DNER: variants seen among roughly 807,000 people sequenced by gnomAD.
DNER encodes the protein delta and Notch-like epidermal growth factor-related receptor.
A neutral mutation model predicts 78.2 loss-of-function variants in DNER; 33 were observed. The observed-to-expected ratio is 0.42, with a 90% CI of 0.32 to 0.56. DNER has a LOEUF of 0.56. Ranked by LOEUF, DNER falls within the 20% of genes least tolerant of loss-of-function variation. The pLI is 0.11. For missense variants in DNER, 918 were observed against 975.3 expected (o/e 0.94, Z 0.78); for synonymous variants, 417 against 384.8 (o/e 1.08, Z -0.98).
chr2:229,614,051 T>C (rs1287643069), intron 1 of DNER, among the ~76,000 whole-genome samples: 2 of 151,366 alleles, frequency 1.3e-5, no homozygotes, highest in Non-Finnish European at 2.9e-5. Context: ...CGGGGAGGGA[T>C]AGCATTAGGA....
chr2:229,561,385 C>T lies in DNER; in HGVS notation c.848-14293G>A, dbSNP rs114463078. Among the ~76,000 whole-genome samples, 119 of 152,270 alleles carry T rather than the reference C, an allele frequency of 7.8e-4. 1 individual carries two copies. Among genetic ancestry groups the T allele is most frequent in the African/African-American group, 2.3e-3 (97 of 41,566 alleles). ...AAACATACAATCAACTTGCTATCAC[C>T]TGAAGATAGATTGGCTTATTCTCAA... On this transcript the variant is annotated intron_variant, in intron 4 of 12. Transcript: ENST00000341772.
At chr2:229,594,912 A>T (rs1412548549) in intron 1 of DNER, among the ~76,000 whole-genome samples, 7 of 147,586 alleles carry the variant, frequency 4.7e-5, no homozygotes, top group Non-Finnish European at 7.5e-5. Context: ...AGGACTTACT[A>T]TGACAAGAAC....
chr2:229,618,797 C>T (rs72991624), intron 1 of DNER, among the ~76,000 whole-genome samples: 3,346 of 151,974 alleles, frequency 0.022, 50 homozygotes, highest in Middle Eastern at 0.034. Context: ...TTTAAATTTC[C>T]TCGCTTTTAT....
chr2:229,516,785 T>TAAAAAAAAAAAAAAAAAAAAAA (rs796603043), intron 5 of DNER, among the ~76,000 whole-genome samples: 1 of 83,890 alleles, frequency 1.2e-5, no homozygotes, highest in Non-Finnish European at 2.8e-5. Context: ...ACGCTGTCTC[T>TAAAAAAAAAAAAAAAAAAAAAA]AAAAAAAAAA....
intron 6 of DNER, among the ~76,000 whole-genome samples, chr2:229,501,051 T>G (rs1215016325): frequency 1.9e-4 from 29 of 152,144 alleles, no homozygotes. Flanking sequence ...GGAGAAATGC[T>G]GTGTGATACC....
At chr2:229,527,331 C>A (rs367697129) in intron 5 of DNER, among the ~76,000 whole-genome samples, 2 of 152,164 alleles carry the variant, frequency 1.3e-5, no homozygotes, top group East Asian at 3.9e-4. Flanking sequence ...AAACCCAGAT[C>A]CCTGTTCTCA....
At chr2:229,475,431 G>T (rs1367561299) in intron 7 of DNER, among the ~76,000 whole-genome samples, 2 of 150,950 alleles carry the variant, frequency 1.3e-5, no homozygotes, top group South Asian at 2.1e-4. Flanking sequence ...CTCTCCTAGG[G>T]TCTTTGTACA....
chr2:229,623,283 G>A (rs72991694), intron 1 of DNER, among the ~76,000 whole-genome samples: 3,239 of 152,166 alleles, frequency 0.021, 44 homozygotes, highest in Middle Eastern at 0.034. Context: ...TGGTCCATAA[G>A]TGGTTAAGAA....
chr2:229,457,861 G>C (rs535372815), intron 7 of DNER, among the ~76,000 whole-genome samples: 2 of 151,592 alleles, frequency 1.3e-5, no homozygotes, highest in Non-Finnish European at 2.9e-5. Context: ...AGTAAGGACA[G>C]GTGCGGTGGC....
intron 4 of DNER, among the ~76,000 whole-genome samples, 160 bp from the exon 5 acceptor site, chr2:229,547,252 C>A (rs1696645613): frequency 6.6e-6 from 1 of 152,234 alleles, no homozygotes; most frequent in Admixed American, 6.5e-5. Flanking sequence ...GAATAAAGCA[C>A]ATGGCCACCA....
chr2:229,557,231 C>A (rs912109308), intron 4 of DNER, among the ~76,000 whole-genome samples: 1 of 152,236 alleles, frequency 6.6e-6, no homozygotes, highest in African/African-American at 2.4e-5. Flanking sequence ...TTCTTTGACA[C>A]AGCACTCAAA....
chr2:229,358,712 C>A, intron 12 of DNER, 61 bp from the exon 13 acceptor site: 6 of 1,387,178 alleles, frequency 4.3e-6, no homozygotes, highest in South Asian at 2.5e-5. Context: ...TTAATTAAAG[C>A]AAGTGATGAG....
chr2:229,395,310 G>A (rs1040515264), intron 10 of DNER, among the ~76,000 whole-genome samples: 3 of 152,174 alleles, frequency 2.0e-5, no homozygotes, highest in Admixed American at 2.0e-4. Context: ...ACTGTGGTTT[G>A]GATACCTAAA....
In DNER at chr2:229,393,764, G is replaced by A. The variant is rs112875548; in HGVS notation, c.1724-5368C>T. Reference sequence around the variant, plus strand: ...TAGGAGGCTGAGGCAGGAGAATGGCGTGAACCTGGGAGTTGGAGCTTGCAG... The same window carrying A: ...TAGGAGGCTGAGGCAGGAGAATGGCATGAACCTGGGAGTTGGAGCTTGCAG... On this transcript the variant is annotated intron_variant, in intron 10 of 12. Coordinates refer to ENST00000341772, the MANE Select transcript of DNER (RefSeq NM_139072.4). Among the ~76,000 whole-genome samples the A allele has an allele frequency of 4.8e-3, 726 of 151,980 alleles. 7 individuals are homozygous for A. The highest frequency in any genetic ancestry group is 0.016 in the African/African-American group (670 of 41,472).
chr2:229,470,814 G>T (rs1236416453), intron 7 of DNER, among the ~76,000 whole-genome samples: 3 of 152,114 alleles, frequency 2.0e-5, no homozygotes, highest in African/African-American at 7.2e-5. Flanking sequence ...CGTGCCATTG[G>T]ACTCCAGCCT....
intron 12 of DNER, among the ~76,000 whole-genome samples, chr2:229,366,646 A>G (rs1692353182): frequency 6.6e-6 from 1 of 152,254 alleles, no homozygotes. Flanking sequence ...AGATGAACAA[A>G]TATATTCAAT....
At chr2:229,620,612 G>T (rs1678215650) in intron 1 of DNER, among the ~76,000 whole-genome samples, 1 of 152,224 alleles carries the variant, frequency 6.6e-6, no homozygotes, top group African/African-American at 2.4e-5. Context: ...TTTCCTGATA[G>T]AGTTCCCTGC....
chr2:229,516,324 C>T (rs540834164), intron 5 of DNER, among the ~76,000 whole-genome samples: 12 of 152,220 alleles, frequency 7.9e-5, no homozygotes, highest in African/African-American at 2.4e-4. Context: ...AAACTATGTT[C>T]GCACATCTTT....
At chr2:229,603,541 A>T (rs1407867196) in intron 1 of DNER, among the ~76,000 whole-genome samples, 2 of 152,202 alleles carry the variant, frequency 1.3e-5, no homozygotes, top group Non-Finnish European at 2.9e-5. Context: ...CCCCAAACAC[A>T]ATGTTTTTTC....
Sources: allele counts gnomAD v4.1 joint callset (sites outside exome capture counted in the v4.1 genomes callset), GRCh38; gene constraint gnomAD v4.1.1; transcripts MANE v1.5; gene names NCBI Gene and HGNC (gene_info 2026-07-23, HGNC 2026-07-21).